HDAC8: variants seen among roughly 807,000 people sequenced by gnomAD.
HDAC8 encodes the protein histone deacetylase 8, also known as histone deacetylase-like 1.
A neutral mutation model predicts 32.2 loss-of-function variants in HDAC8; 1 was observed. The ratio of observed to expected loss-of-function variants is 0.03; its 90% CI spans 0.01 to 0.15. The LOEUF is 0.15. Ranked by LOEUF, HDAC8 falls within the 10% of genes least tolerant of loss-of-function variation. The probability of loss-of-function intolerance (pLI) is 1.00; values close to 1 mark genes in which losing one functional copy is unlikely to be tolerated. For synonymous variants in HDAC8, 108 were observed against 113.9 expected (o/e 0.95, Z 0.33); for missense variants, 117 against 300.0 (o/e 0.39, Z 4.51).
intron 9 of HDAC8, among the ~76,000 whole-genome samples, chrX:72,458,297 G>A (rs2047775550): frequency 8.9e-6 from 1 of 112,710 alleles, no homozygotes; most frequent in East Asian, 2.8e-4. Flanking sequence ...CTGGCTTTAT[G>A]CCATCACTGG....
At position 72,441,311 on chromosome X, in the gene HDAC8, C is replaced by A. The variant is rs186850746; in HGVS notation, c.1005+20693G>T. On this transcript the variant is annotated intron_variant, in intron 9 of 10. Coordinates refer to ENST00000373573, the MANE Select transcript of HDAC8 (RefSeq NM_018486.3). Reference sequence around the variant, plus strand: ...CAAGTAGGGGCAGACTGACACCTCACACGGCCGGGTACTCCTCTGAGACAA... The same window carrying A: ...CAAGTAGGGGCAGACTGACACCTCAAACGGCCGGGTACTCCTCTGAGACAA... Among the ~76,000 whole-genome samples the A allele has an allele frequency of 6.0e-3, 671 of 112,076 alleles. 2 individuals are homozygous for A. Among genetic ancestry groups the A allele is most frequent in the Middle Eastern group, 0.014 (3 of 218 alleles).
rs1485333426 is a variant in HDAC8 at position 72,477,022 on chromosome X, A to T, written c.737+11911T>A. ...ACCAAACACAAAATTCGCTTTAAGA[A>T]GGGACAGAAACACAAGTGCCTTTCT... is the stretch of plus-strand genomic sequence containing the variant. On this transcript the variant is annotated intron_variant, in intron 7 of 10. Coordinates refer to ENST00000373573, the MANE Select transcript of HDAC8 (RefSeq NM_018486.3). 3.6e-5 allele frequency among the ~76,000 whole-genome samples: 4 copies of T among 112,131 alleles called. No individual in the cohort carries two copies. The East Asian group carries it at 1.1e-3, about 31-fold the overall frequency.
intron 9 of HDAC8, among the ~76,000 whole-genome samples, chrX:72,384,918 A>G (rs2045379562): frequency 8.9e-6 from 1 of 111,813 alleles, no homozygotes; most frequent in Non-Finnish European, 1.9e-5. Context: ...TAGATACCTT[A>G]TCTTGGAGAT....
intron 9 of HDAC8, among the ~76,000 whole-genome samples, chrX:72,361,706 G>A (rs2044556328): frequency 9.9e-6 from 1 of 101,341 alleles, no homozygotes; most frequent in Non-Finnish European, 1.9e-5. Flanking sequence ...GGCCCTGGGG[G>A]CAAGCTGAGT....
At chrX:72,348,164 CA>C (rs1287034163) in intron 10 of HDAC8, among the ~76,000 whole-genome samples, 1 of 112,135 alleles carries the variant, frequency 8.9e-6, no homozygotes, top group Admixed American at 9.4e-5. Flanking sequence ...TGAACAAATT[CA>C]ACCAGATATG....
intron 9 of HDAC8, among the ~76,000 whole-genome samples, chrX:72,415,716 G>A (rs781888563): frequency 1.8e-5 from 2 of 111,605 alleles, no homozygotes; most frequent in Non-Finnish European, 3.8e-5. Context: ...TTAAATTTTG[G>A]TTTCCATGTG....
chrX:72,471,469 G>A (rs1555997593), intron 7 of HDAC8, among the ~76,000 whole-genome samples: 1 of 111,916 alleles, frequency 8.9e-6, no homozygotes, highest in East Asian at 2.8e-4. Context: ...AATGTATGAA[G>A]GTTCCAATTT....
At chrX:72,376,537 G>T (rs1158675097) in intron 9 of HDAC8, among the ~76,000 whole-genome samples, 1 of 111,514 alleles carries the variant, frequency 9.0e-6, no homozygotes, top group Non-Finnish European at 1.9e-5. Context: ...TCCTGCCTCA[G>T]CCTCCTGAGT....
chrX:72,443,696 T>C (rs1395911084), intron 9 of HDAC8, among the ~76,000 whole-genome samples: 43 of 107,258 alleles, frequency 4.0e-4, no homozygotes, highest in Admixed American at 4.9e-4. Context: ...AGAGCAGAAC[T>C]GAAGGAAATA....
rs373115336 is a variant in HDAC8 at position 72,533,851 on chromosome X, T to A, written c.437+34038A>T. 3.6e-4 allele frequency among the ~76,000 whole-genome samples: 40 copies of A among 111,346 alleles called. 3 individuals are homozygous for A. Among genetic ancestry groups the A allele is most frequent in the East Asian group, 3.4e-3 (12 of 3,548 alleles). ...TAAACACTCACTAGGAATAGGGAAC[T>A]TCCTCATCCAGATAAAGGGTACCTA... is the stretch of plus-strand genomic sequence containing the variant. On this transcript the variant is annotated intron_variant, in intron 4 of 10. Transcript: ENST00000373573.
At chrX:72,395,251 G>A (rs782592760) in intron 9 of HDAC8, among the ~76,000 whole-genome samples, 10 of 112,280 alleles carry the variant, frequency 8.9e-5, no homozygotes, top group Non-Finnish European at 1.7e-4. Context: ...AACATCTTTT[G>A]TCTGGGGGAA....
At chrX:72,474,923 G>GT (rs1248866913) in intron 7 of HDAC8, among the ~76,000 whole-genome samples, 6 of 111,562 alleles carry the variant, frequency 5.4e-5, no homozygotes, top group African/African-American at 1.6e-4. Flanking sequence ...ATGTTTTGTG[G>GT]TTTTTTTGTT....
chrX:72,369,713 T>C (rs950801472), intron 9 of HDAC8, among the ~76,000 whole-genome samples: 3 of 112,434 alleles, frequency 2.7e-5, no homozygotes, highest in Non-Finnish European at 5.6e-5. Context: ...AGCAACAAGC[T>C]CTAAAGGCTG....
intron 9 of HDAC8, among the ~76,000 whole-genome samples, chrX:72,374,202 T>G (rs1255716173): frequency 9.0e-6 from 1 of 111,154 alleles, no homozygotes; most frequent in Non-Finnish European, 1.9e-5. Flanking sequence ...CACACCAACA[T>G]GCCCACCTAA....
chrX:72,512,131 T>G (rs900910066), intron 4 of HDAC8, among the ~76,000 whole-genome samples: 5 of 111,939 alleles, frequency 4.5e-5, no homozygotes, highest in Non-Finnish European at 7.5e-5. Context: ...GGGCCTTGCC[T>G]GGTCCTCATA....
intron 7 of HDAC8, among the ~76,000 whole-genome samples, chrX:72,476,641 C>T (rs1205780536): frequency 4.5e-5 from 5 of 111,563 alleles, no homozygotes; most frequent in Non-Finnish European, 7.5e-5. Context: ...TTCCCTGAAC[C>T]TCAGTTTCCT....
chrX:72,391,815 G>A (rs1014228330), intron 9 of HDAC8, among the ~76,000 whole-genome samples: 19 of 110,998 alleles, frequency 1.7e-4, no homozygotes, highest in African/African-American at 5.9e-4. Context: ...CCTCCTGAGC[G>A]AATTAATCAT....
intron 7 of HDAC8, among the ~76,000 whole-genome samples, chrX:72,477,999 C>T (rs782427085): frequency 2.0e-4 from 22 of 112,274 alleles, no homozygotes; most frequent in African/African-American, 5.2e-4. Flanking sequence ...AATCAAGTGG[C>T]GCTCCGCTTC....
intron 7 of HDAC8, among the ~76,000 whole-genome samples, chrX:72,488,381 G>A (rs948214577): frequency 1.8e-5 from 2 of 110,457 alleles, no homozygotes; most frequent in Non-Finnish European, 3.8e-5. Flanking sequence ...TTCAACTCTA[G>A]TGGTCCACAC....
Sources: allele counts gnomAD v4.1 joint callset (sites outside exome capture counted in the v4.1 genomes callset), GRCh38; gene constraint gnomAD v4.1.1; transcripts MANE v1.5; gene names NCBI Gene and HGNC (gene_info 2026-07-23, HGNC 2026-07-21).